VPS33A: variants seen among roughly 807,000 people sequenced by gnomAD.
VPS33A encodes vacuolar protein sorting-associated protein 33A.
In VPS33A, 32 loss-of-function variants were observed where a neutral mutation model predicts 71.8. The ratio of observed to expected loss-of-function variants is 0.45; its 90% CI spans 0.34 to 0.60. The LOEUF is 0.60. VPS33A is among the 20% of genes least tolerant of loss of function. The pLI, the probability that VPS33A is intolerant of heterozygous loss-of-function variation, is 0.02. For missense variants in VPS33A, 625 were observed against 748.5 expected, an observed-to-expected ratio of 0.84 and a Z score of 1.92; for synonymous variants, 311 against 292.7, an observed-to-expected ratio of 1.06 and a Z score of -0.64.
chr12:122,237,975 A>G (rs1360525432), intron 10 of VPS33A, among the ~76,000 whole-genome samples: 1 of 151,656 alleles, frequency 6.6e-6, no homozygotes, highest in Admixed American at 6.6e-5. Flanking sequence ...TTGTAGAGAC[A>G]GGGTCTTGCT....
At chr12:122,236,580 G>A (rs1296117902) in intron 10 of VPS33A, among the ~76,000 whole-genome samples, 1 of 152,208 alleles carries the variant, frequency 6.6e-6, no homozygotes, top group Non-Finnish European at 1.5e-5. Context: ...GTTACAGTGA[G>A]CCAAGATTGT....
intron 3 of VPS33A, 98 bp downstream of exon 3, chr12:122,263,474 C>T: frequency 1.4e-6 from 2 of 1,406,928 alleles, no homozygotes; most frequent in Non-Finnish European, 1.9e-6. Flanking sequence ...GACCACCTTG[C>T]ACTGGCAAGA....
In VPS33A at chr12:122,250,973, C is replaced by T. The variant is rs367899255; in HGVS notation, c.600+10G>A. On this transcript the variant is annotated intron_variant, in intron 5 of 12. Transcript: ENST00000267199. ...CCCTCCTTTACCACCACAAAGCAGC[C>T]GGTTCTCACCCGAGCGCATTCTCCT... 2.4e-4 allele frequency: 390 copies of T among 1,607,598 alleles called. No homozygotes were observed. Among genetic ancestry groups the T allele is most frequent in the Non-Finnish European group, 2.7e-4 (318 of 1,174,848 alleles).
rs117994838 is a variant in VPS33A, at chr12:122,243,177, T to C, written c.970-669A>G. On this transcript the variant is annotated intron_variant, in intron 7 of 12. Coordinates refer to ENST00000267199, the MANE Select transcript of VPS33A (RefSeq NM_022916.6). ...AGTAAAAAACTAAGACAAAAAATTA[T>C]GTTTAGAGGGTACCATAAAGAGGAA... 6.8e-3 allele frequency among the ~76,000 whole-genome samples: 1,037 copies of C among 152,228 alleles called. 4 individuals carry two copies. Among genetic ancestry groups the C allele is most frequent in the Non-Finnish European group, 0.012 (793 of 68,010 alleles).
intron 6 of VPS33A, among the ~76,000 whole-genome samples, chr12:122,246,461 G>A (rs1305550670): frequency 6.6e-6 from 1 of 151,538 alleles, no homozygotes. Flanking sequence ...CACCACACCC[G>A]ACTAATTTTT....
chr12:122,265,251 T>C (rs911757633), intron 1 of VPS33A, among the ~76,000 whole-genome samples: 2 of 152,022 alleles, frequency 1.3e-5, no homozygotes, highest in Admixed American at 6.6e-5. Context: ...AAAAGCTCAG[T>C]AAATTCAAGT....
At chr12:122,240,699 G>C (rs1339092022) in intron 8 of VPS33A, among the ~76,000 whole-genome samples, 1 of 152,214 alleles carries the variant, frequency 6.6e-6, no homozygotes, top group Non-Finnish European at 1.5e-5. Flanking sequence ...TTACAGCCCT[G>C]TGTTGTAACA....
intron 9 of VPS33A, among the ~76,000 whole-genome samples, chr12:122,239,627 G>A (rs754009989): frequency 1.1e-4 from 17 of 151,750 alleles, no homozygotes; most frequent in African/African-American, 2.2e-4. Flanking sequence ...CCAGCTACTC[G>A]GGAGGCTGAG....
At position 122,251,053 on chromosome 12, in the gene VPS33A, T is replaced by G. The variant is rs1406125424; in HGVS notation, c.530A>C (p.Lys177Thr). The G allele has an allele frequency of 1.1e-5, 17 of 1,614,086 alleles. No homozygotes were observed. The highest frequency in any genetic ancestry group is 1.4e-5 in the Non-Finnish European group (17 of 1,180,038). Residue 177 changes from lysine (K) to threonine (T), a missense_variant, in exon 5 of 13, where the codon AAG becomes ACG. Lys to Thr is a moderately conservative substitution (Grantham distance 78, BLOSUM62 -1). Coordinates refer to ENST00000267199, the MANE Select transcript of VPS33A (RefSeq NM_022916.6). ...GDQTSLYHAA[K>T]GLMTLQALYG... ...CAGAGCTTGCAGGGTCATCAGCCCCTTGGCTGCGTGGTACAGGCTCGTCTG... is the reference window on the plus strand; with the variant it reads ...CAGAGCTTGCAGGGTCATCAGCCCCGTGGCTGCGTGGTACAGGCTCGTCTG...
At chr12:122,250,274 A>G (rs1427097824) in intron 5 of VPS33A, 1 of 483,406 alleles carries the variant, frequency 2.1e-6, no homozygotes, top group African/African-American at 2.0e-5. Context: ...AGGTCAGTCT[A>G]TTCTTGTGAT....
At chr12:122,233,022 C>T in intron 11 of VPS33A, 54 bp from the exon 12 acceptor site, 1 of 1,472,074 alleles carries the variant, frequency 6.8e-7, no homozygotes. Flanking sequence ...TTAGAGCTAC[C>T]TGACTGTGGC....
At chr12:122,255,916 G>C (rs985778378) in intron 4 of VPS33A, among the ~76,000 whole-genome samples, 5 of 152,092 alleles carry the variant, frequency 3.3e-5, no homozygotes, top group African/African-American at 1.2e-4. Context: ...TGATCCTTCT[G>C]CCTCAGCCTC....
chr12:122,255,468 G>A (rs1030823197), intron 4 of VPS33A, among the ~76,000 whole-genome samples: 2 of 152,166 alleles, frequency 1.3e-5, no homozygotes, highest in African/African-American at 4.8e-5. Flanking sequence ...CACTCTGGGA[G>A]GCCGAGATGA....
chr12:122,247,201 G>A (rs750177290), intron 6 of VPS33A, among the ~76,000 whole-genome samples: 23 of 151,934 alleles, frequency 1.5e-4, no homozygotes, highest in Non-Finnish European at 3.2e-4. Flanking sequence ...CTTACATTAC[G>A]AAAAAACTTG....
chr12:122,254,343 G>A (rs192178709), intron 4 of VPS33A, among the ~76,000 whole-genome samples: 5 of 151,782 alleles, frequency 3.3e-5, no homozygotes, highest in East Asian at 1.9e-4. Context: ...TGTGCCATCC[G>A]GATAAAGTCC....
At chr12:122,258,483 T>C (rs1954947691) in intron 4 of VPS33A, among the ~76,000 whole-genome samples, 1 of 152,062 alleles carries the variant, frequency 6.6e-6, no homozygotes, top group South Asian at 2.1e-4. Context: ...GCATTTAGAA[T>C]CTATTAAGAA....
At chr12:122,263,832 G>A in intron 2 of VPS33A, 133 bp from the exon 3 acceptor site, 1 of 1,140,582 alleles carries the variant, frequency 8.8e-7, no homozygotes, top group Non-Finnish European at 1.2e-6. Flanking sequence ...TTCCCTCAAA[G>A]CCAAATACAT....
At chr12:122,266,261 C>T (rs748256914) in intron 1 of VPS33A, 46 bp downstream of exon 1, 9 of 1,599,082 alleles carry the variant, frequency 5.6e-6, no homozygotes, top group East Asian at 4.5e-5. Context: ...TAAACCAGGC[C>T]GGACCAGGGG....
chr12:122,251,787 G>T (rs968273366), intron 4 of VPS33A, among the ~76,000 whole-genome samples: 8 of 151,978 alleles, frequency 5.3e-5, no homozygotes, highest in Admixed American at 3.3e-4. Context: ...GGTGGGGGAA[G>T]GGGGGAGGGA....
Sources: allele counts gnomAD v4.1 joint callset (sites outside exome capture counted in the v4.1 genomes callset), GRCh38; gene constraint gnomAD v4.1.1; transcripts MANE v1.5; gene names NCBI Gene and HGNC (gene_info 2026-07-23, HGNC 2026-07-21).